Variants in MIB1 observed in about 807,000 individuals in gnomAD.
MIB1 encodes E3 ubiquitin-protein ligase MIB1.
A neutral mutation model predicts 124.5 loss-of-function variants in MIB1; 278 were observed. That is an observed-to-expected ratio of 2.23 (90% confidence interval 2.02 to 2.47). The LOEUF (loss-of-function observed/expected upper bound fraction) is 2.47. Among genes scored for constraint, MIB1 ranks in the 30% most tolerant of loss-of-function variants. The probability of loss-of-function intolerance (pLI) is 0.00; values close to 1 mark genes in which losing one functional copy is unlikely to be tolerated. For missense variants in MIB1, 957 were observed against 1,254.4 expected (o/e 0.76, Z 3.58); for synonymous variants, 446 against 429.4 (o/e 1.04, Z -0.48).
At chr18:21,844,747 A>G (rs2042121200) in intron 15 of MIB1, among the ~76,000 whole-genome samples, 1 of 152,062 alleles carries the variant, frequency 6.6e-6, no homozygotes, top group Non-Finnish European at 1.5e-5. Flanking sequence ...CTTTTTTAAC[A>G]TCAGCCATTC....
At chr18:21,785,545 C>G (rs1323397787) in intron 6 of MIB1, among the ~76,000 whole-genome samples, 3 of 152,212 alleles carry the variant, frequency 2.0e-5, no homozygotes, top group African/African-American at 7.2e-5. Context: ...CTTGTTGTCT[C>G]TGTGTACATC....
At chr18:21,745,232 C>G (rs1470467265) in intron 1 of MIB1, among the ~76,000 whole-genome samples, 1 of 152,160 alleles carries the variant, frequency 6.6e-6, no homozygotes, top group Non-Finnish European at 1.5e-5. Context: ...AAAAGAAAAC[C>G]TACGGTCTGT....
In MIB1 at chr18:21,741,850, G is replaced by T. The variant is rs776984410; in HGVS notation, c.229+38G>T. 57 of 1,513,386 alleles carry T rather than the reference G, an allele frequency of 3.8e-5. No homozygotes were observed. The highest frequency in any genetic ancestry group is 8.7e-5 in the South Asian group (7 of 80,754). The allele number at this position is 1,513,386 out of a possible 1,614,324, so 93.7% of individuals were successfully genotyped here. ...CACCTGGCCAGGGCTTGCGCGCGCGGGGGGAAGGGGCGAGCTGCGGTGGGC... is the reference window on the plus strand; with the variant it reads ...CACCTGGCCAGGGCTTGCGCGCGCGTGGGGAAGGGGCGAGCTGCGGTGGGC... On this transcript the variant is annotated intron_variant, in intron 1 of 20. Coordinates refer to ENST00000261537, the MANE Select transcript of MIB1 (RefSeq NM_020774.4). The surrounding 1 kb of genome is among the most constrained non-coding windows in gnomAD (Gnocchi z 5.4).
intron 11 of MIB1, among the ~76,000 whole-genome samples, 186 bp from the exon 12 acceptor site, chr18:21,819,309 G>A (rs545581388): frequency 6.6e-6 from 1 of 152,312 alleles, no homozygotes; most frequent in East Asian, 1.9e-4. Flanking sequence ...AAAGTGCTAG[G>A]GTTACAGACA....
intron 1 of MIB1, among the ~76,000 whole-genome samples, chr18:21,715,466 C>G (rs539263004): frequency 1.1e-4 from 17 of 152,128 alleles, no homozygotes; most frequent in African/African-American, 4.1e-4. Flanking sequence ...TTCAACACCT[C>G]CAAAAAGAAA....
intron 1 of MIB1, among the ~76,000 whole-genome samples, chr18:21,718,261 G>A (rs1237457831): frequency 2.6e-5 from 4 of 151,934 alleles, no homozygotes; most frequent in Non-Finnish European, 4.4e-5. Flanking sequence ...AGGGGGTGAG[G>A]GATAAAAAAC....
intron 10 of MIB1, among the ~76,000 whole-genome samples, chr18:21,810,214 A>G (rs1342087343): frequency 1.3e-5 from 2 of 152,102 alleles, no homozygotes; most frequent in African/African-American, 2.4e-5. Context: ...TACATTGAAA[A>G]CTACAAAATA....
At chr18:21,771,614 A>C (rs1050342506) in intron 3 of MIB1, among the ~76,000 whole-genome samples, 1 of 152,180 alleles carries the variant, frequency 6.6e-6, no homozygotes, top group Non-Finnish European at 1.5e-5. Flanking sequence ...AGTTACCTCT[A>C]ATGGAAGGCA....
chr18:21,730,002 A>G (rs776126348), intron 1 of MIB1, among the ~76,000 whole-genome samples: 5 of 152,186 alleles, frequency 3.3e-5, no homozygotes, highest in Admixed American at 6.5e-5. Flanking sequence ...TAGCAGCTCA[A>G]ATGGACTAAG....
upstream of MIB1, among the ~76,000 whole-genome samples, chr18:21,738,229 C>A (rs1429568791): frequency 6.6e-6 from 1 of 152,106 alleles, no homozygotes. Flanking sequence ...AACAAACAGT[C>A]TCTCAGACCA....
chr18:21,765,696 T>A, intron 1 of MIB1, 76 bp from the exon 2 acceptor site: 1 of 1,409,100 alleles, frequency 7.1e-7, no homozygotes, highest in Non-Finnish European at 9.7e-7. Context: ...TCTGTTCTTA[T>A]TTTTTTCCCC....
At chr18:21,842,263 T>C (rs956982486) in intron 13 of MIB1, among the ~76,000 whole-genome samples, 6 of 152,154 alleles carry the variant, frequency 3.9e-5, no homozygotes, top group Non-Finnish European at 8.8e-5. Context: ...TCAAGAGTTG[T>C]AACCAGAGGG....
At chr18:21,724,727 A>AAAAAAAAAAAAAAAT (rs1350936232) in intron 1 of MIB1, among the ~76,000 whole-genome samples, 5 of 17,372 alleles carry the variant, frequency 2.9e-4, no homozygotes, top group Non-Finnish European at 4.4e-4. Flanking sequence ...AAAAAAAAAA[A>AAAAAAAAAAAAAAAT]ATATATATAT....
chr18:21,736,250 C>A (rs1478040804), upstream of MIB1, among the ~76,000 whole-genome samples: 1 of 152,190 alleles, frequency 6.6e-6, no homozygotes, highest in African/African-American at 2.4e-5. Context: ...ATGGAGTGGA[C>A]CTCCAGCAAA....
intron 1 of MIB1, among the ~76,000 whole-genome samples, chr18:21,743,372 C>T (rs1255764823): frequency 2.0e-5 from 3 of 152,164 alleles, no homozygotes; most frequent in Non-Finnish European, 4.4e-5. Flanking sequence ...TGATTGGATA[C>T]GGTGATTTAT....
intron 1 of MIB1, among the ~76,000 whole-genome samples, chr18:21,716,565 A>G (rs537077402): frequency 5.8e-4 from 89 of 152,322 alleles, no homozygotes; most frequent in Non-Finnish European, 9.6e-4. Context: ...AAAATGCTCC[A>G]CTTAGGCTGG....
At chr18:21,706,174 C>G (rs1381378928) in intron 1 of MIB1, among the ~76,000 whole-genome samples, 1 of 152,142 alleles carries the variant, frequency 6.6e-6, no homozygotes, top group East Asian at 1.9e-4. Flanking sequence ...CTCCACCTCC[C>G]GGGTTCACGT....
intron 15 of MIB1, among the ~76,000 whole-genome samples, chr18:21,845,627 T>C (rs1240297971): frequency 6.6e-6 from 1 of 152,138 alleles, no homozygotes; most frequent in East Asian, 1.9e-4. Context: ...GTTTCTTTTC[T>C]TTTTTCTTTT....
chr18:21,781,297 G>A (rs1210183009), intron 6 of MIB1, among the ~76,000 whole-genome samples: 4 of 142,434 alleles, frequency 2.8e-5, no homozygotes, highest in Non-Finnish European at 4.5e-5. Flanking sequence ...AGGCCCTGGG[G>A]CTTTTCTCTG....
Sources: allele counts gnomAD v4.1 joint callset (sites outside exome capture counted in the v4.1 genomes callset), GRCh38; gene constraint gnomAD v4.1.1; non-coding constraint Gnocchi (gnomAD v3.1); transcripts MANE v1.5; gene names NCBI Gene and HGNC (gene_info 2026-07-23, HGNC 2026-07-21).